The following ZRANB3 variants were observed in gnomAD, a reference collection of about 807,000 sequenced individuals.
ZRANB3 encodes the protein zinc finger RANBP2-type containing 3, also known as DNA annealing helicase and endonuclease ZRANB3.
In ZRANB3, 125 loss-of-function variants were observed where a neutral mutation model predicts 133.8. The ratio of observed to expected loss-of-function variants is 0.93; its 90% CI spans 0.81 to 1.08. The LOEUF (loss-of-function observed/expected upper bound fraction) is 1.08. Ranked by LOEUF, ZRANB3 falls within the 50% of genes least tolerant of loss-of-function variation. ZRANB3 has a pLI of 0.00. For missense variants in ZRANB3, 1,229 were observed against 1,275.5 expected (o/e 0.96, Z 0.56); for synonymous variants, 387 against 432.7 (o/e 0.89, Z 1.31).
chr2:135,455,370 T>G (rs191775011), intron 2 of ZRANB3, among the ~76,000 whole-genome samples: 5 of 151,536 alleles, frequency 3.3e-5, no homozygotes, highest in Admixed American at 2.0e-4. Flanking sequence ...GTATTTTTAC[T>G]AGAGACGGGG....
At chr2:135,363,280 G>A (rs1573978437) in intron 3 of ZRANB3, among the ~76,000 whole-genome samples, 1 of 152,058 alleles carries the variant, frequency 6.6e-6, no homozygotes, top group South Asian at 2.1e-4. Flanking sequence ...TGATCTTCCT[G>A]CCTCAGCCTC....
intron 2 of ZRANB3, among the ~76,000 whole-genome samples, chr2:135,478,708 C>A (rs974878886): frequency 3.3e-5 from 5 of 151,896 alleles, no homozygotes. Flanking sequence ...TGTGAATATA[C>A]CATGATTATC....
intron 3 of ZRANB3, among the ~76,000 whole-genome samples, chr2:135,373,680 C>T (rs1394545709): frequency 1.3e-5 from 2 of 151,390 alleles, no homozygotes; most frequent in Admixed American, 6.6e-5. Context: ...CCCAGCTACT[C>T]GGGAGGCTGA....
chr2:135,407,404 A>G (rs1688090819), intron 2 of ZRANB3, among the ~76,000 whole-genome samples: 1 of 150,824 alleles, frequency 6.6e-6, no homozygotes, highest in Non-Finnish European at 1.5e-5. Context: ...TGCCCAAGGT[A>G]ATTTATAGAT....
At chr2:135,379,134 C>T (rs1282452432) in intron 3 of ZRANB3, among the ~76,000 whole-genome samples, 4 of 152,030 alleles carry the variant, frequency 2.6e-5, no homozygotes, top group Non-Finnish European at 4.4e-5. Context: ...TATACAGGAA[C>T]TCTGTAATAT....
intron 2 of ZRANB3, among the ~76,000 whole-genome samples, chr2:135,398,871 C>T (rs984150184): frequency 6.6e-6 from 1 of 152,080 alleles, no homozygotes; most frequent in Non-Finnish European, 1.5e-5. Flanking sequence ...TCTGTGTAAA[C>T]TGGGTTTTCA....
rs192138664 is a variant in ZRANB3 at position 135,525,622 on chromosome 2, C to A, written c.-8+5505G>T. Among the ~76,000 whole-genome samples the A allele has an allele frequency of 3.9e-5, 6 of 152,114 alleles. No homozygotes were observed. In the East Asian group the frequency reaches 1.2e-3, roughly 29 times the overall value. On this transcript the variant is annotated intron_variant, in intron 1 of 20. Transcript: ENST00000264159. ...CAGCACTGTGGGAGGCTGAGGCGGG[C>A]GGATCACCTGAGGTCAGGAGCTCCA...
chr2:135,355,795 T>A (rs1367237505), intron 3 of ZRANB3, among the ~76,000 whole-genome samples: 2 of 152,222 alleles, frequency 1.3e-5, no homozygotes, highest in Non-Finnish European at 2.9e-5. Context: ...AACTTTGTGC[T>A]ATGGTTAGGG....
At chr2:135,510,678 T>C in intron 1 of ZRANB3, 1 of 790,206 alleles carries the variant, frequency 1.3e-6, no homozygotes, top group Admixed American at 1.7e-5. Flanking sequence ...GATCATCTCG[T>C]CAGTCCCCTT....
intron 20 of ZRANB3, among the ~76,000 whole-genome samples, chr2:135,200,919 C>A (rs1244675109): frequency 6.6e-6 from 1 of 152,106 alleles, no homozygotes; most frequent in Non-Finnish European, 1.5e-5. Flanking sequence ...CCACACCCAG[C>A]TAATTTTTGT....
intron 8 of ZRANB3, among the ~76,000 whole-genome samples, chr2:135,299,046 G>A (rs1573863840): frequency 6.6e-6 from 1 of 152,272 alleles, no homozygotes; most frequent in East Asian, 1.9e-4. Flanking sequence ...ACTTTCTCGG[G>A]CGATGGACAG....
At chr2:135,210,358 A>G (rs147023075) in intron 17 of ZRANB3, among the ~76,000 whole-genome samples, 2,127 of 149,940 alleles carry the variant, frequency 0.014, 33 homozygotes, top group Non-Finnish European at 0.019. Flanking sequence ...TTTTTGAGAC[A>G]GGGTCTCACT....
At chr2:135,226,684 A>G (rs968535215) in intron 14 of ZRANB3, among the ~76,000 whole-genome samples, 3 of 152,210 alleles carry the variant, frequency 2.0e-5, no homozygotes, top group Non-Finnish European at 4.4e-5. Flanking sequence ...CCATAGATGA[A>G]GAGACTCATA....
intron 2 of ZRANB3, among the ~76,000 whole-genome samples, chr2:135,491,364 T>C (rs1692365717): frequency 6.6e-6 from 1 of 152,100 alleles, no homozygotes; most frequent in African/African-American, 2.4e-5. Context: ...TTATTTTTTT[T>C]GAGACAGTCT....
At chr2:135,415,459 T>A (rs1208311375) in intron 2 of ZRANB3, among the ~76,000 whole-genome samples, 1 of 152,178 alleles carries the variant, frequency 6.6e-6, no homozygotes, top group East Asian at 1.9e-4. Flanking sequence ...ATTGTGGCAA[T>A]AATCAATAGC....
At chr2:135,251,022 G>C (rs972232218) in intron 12 of ZRANB3, among the ~76,000 whole-genome samples, 6 of 152,198 alleles carry the variant, frequency 3.9e-5, no homozygotes, top group African/African-American at 1.4e-4. Context: ...GAAAGCAGCC[G>C]TGAGGGAGGC....
chr2:135,345,511 C>A, intron 6 of ZRANB3, 39 bp downstream of exon 6: 2 of 1,373,262 alleles, frequency 1.5e-6, no homozygotes, highest in Admixed American at 1.9e-5. Context: ...TCACAGTAAA[C>A]ATGTGAGGAA....
chr2:135,271,811 G>C lies in ZRANB3; in HGVS notation c.1163C>G (p.Pro388Arg). The change falls in exon 10 of 21, where the codon CCT (proline) becomes CGT (arginine). Residue 388 changes from proline (P) to arginine (R), a missense_variant. Coordinates refer to ENST00000264159, the MANE Select transcript of ZRANB3 (RefSeq NM_032143.4). ...IHLVNQFQKDPDTRVAILSIQ... is the reference protein window; with the variant it reads ...IHLVNQFQKDRDTRVAILSIQ... ...GCTTAGGATAGCCACGCGAGTGTCAGGATCCTTTTGAAACTGATTAACCAG... is the reference window on the plus strand; with the variant it reads ...GCTTAGGATAGCCACGCGAGTGTCACGATCCTTTTGAAACTGATTAACCAG... 1 of 1,613,412 alleles carries C rather than the reference G, an allele frequency of 6.2e-7. No homozygotes were observed. Among genetic ancestry groups the C allele is most frequent in the Non-Finnish European group, 8.5e-7 (1 of 1,179,830 alleles).
chr2:135,367,707 T>G (rs1489097587), intron 3 of ZRANB3, among the ~76,000 whole-genome samples: 1 of 152,178 alleles, frequency 6.6e-6, no homozygotes, highest in Admixed American at 6.5e-5. Flanking sequence ...TTAAACATAG[T>G]GATAGATAAC....
Sources: allele counts gnomAD v4.1 joint callset (sites outside exome capture counted in the v4.1 genomes callset), GRCh38; gene constraint gnomAD v4.1.1; transcripts MANE v1.5; gene names NCBI Gene and HGNC (gene_info 2026-07-23, HGNC 2026-07-21).